The following ADAT1 variants were observed in gnomAD, a reference collection of about 807,000 sequenced individuals.
ADAT1 encodes tRNA-specific adenosine deaminase 1.
In ADAT1, 58 loss-of-function variants were observed where a neutral mutation model predicts 58.6. That is an observed-to-expected ratio of 0.99 (90% CI 0.80 to 1.23). The LOEUF (loss-of-function observed/expected upper bound fraction) is 1.23, where lower values mean the gene tolerates loss of function less well. ADAT1 is among the 50% of genes most tolerant of loss of function. The probability of loss-of-function intolerance (pLI) is 0.00; values close to 1 mark genes in which losing one functional copy is unlikely to be tolerated. For synonymous variants in ADAT1, 254 were observed against 220.8 expected, an observed-to-expected ratio of 1.15 and a Z score of -1.33; for missense variants, 741 against 608.6, an observed-to-expected ratio of 1.22 and a Z score of -2.29.
chr16:75,615,884 G>T (rs1269885973), intron 5 of ADAT1, among the ~76,000 whole-genome samples: 1 of 152,166 alleles, frequency 6.6e-6, no homozygotes, highest in African/African-American at 2.4e-5. Flanking sequence ...AACAACCTTT[G>T]GGCCTTGGAC....
chr16:75,615,423 T>C (rs984162701), intron 5 of ADAT1, among the ~76,000 whole-genome samples: 2 of 99,396 alleles, frequency 2.0e-5, no homozygotes, highest in Non-Finnish European at 3.9e-5. Flanking sequence ...ATTGGAAGAA[T>C]AAAAATTGTC....
chr16:75,618,609 G>T lies in ADAT1; in HGVS notation c.270C>A (p.Val90=). Residue 90 remains valine, a synonymous_variant, in exon 4 of 10, where the codon GTC becomes GTA. Coordinates refer to ENST00000564657, the MANE Select transcript of ADAT1 (RefSeq NM_001324445.2). Reference sequence around the variant, plus strand: ...ACCTTTGGAAACTCCTTCTGGCTATGACCTCAGCATGGCTATCATTGAGGA... The same window carrying T: ...ACCTTTGGAAACTCCTTCTGGCTATTACCTCAGCATGGCTATCATTGAGGA... The part of the protein sequence containing the change: ...GDILNDSHAE[V]IARRSFQRYL... 6.2e-7 allele frequency: 1 copy of T among 1,610,736 alleles called. No homozygotes were observed. Among genetic ancestry groups the T allele is most frequent in the East Asian group, 2.2e-5 (1 of 44,776 alleles).
At position 75,608,585 on chromosome 16, in the gene ADAT1, A is replaced by G. The variant is rs537719949; in HGVS notation, c.1189+258T>C. ...GTAAATGCATTAAACAGAATTTCTC[A>G]CTGAATCTTCCCAATAACCCTGATA... On this transcript the variant is annotated intron_variant, in intron 7 of 9. Coordinates refer to ENST00000564657, the MANE Select transcript of ADAT1 (RefSeq NM_001324445.2). 16 of 584,318 alleles carry G rather than the reference A, an allele frequency of 2.7e-5. 1 individual carries two copies. The East Asian group carries it at 4.3e-4, about 16-fold the overall frequency. 36.2% of individuals were successfully genotyped at this position (584,318 alleles called of 1,614,324 possible).
intron 5 of ADAT1, among the ~76,000 whole-genome samples, chr16:75,615,719 C>A (rs2081689849): frequency 6.6e-6 from 1 of 152,086 alleles, no homozygotes; most frequent in African/African-American, 2.4e-5. Flanking sequence ...CCTAGCTACT[C>A]AATGTGTGGT....
At chr16:75,622,114 C>A (rs1461993597) in intron 1 of ADAT1, among the ~76,000 whole-genome samples, 1 of 152,186 alleles carries the variant, frequency 6.6e-6, no homozygotes, top group Non-Finnish European at 1.5e-5. Flanking sequence ...TGTGCCACTG[C>A]ACTCCAGGCT....
chr16:75,608,194 A>G, intron 8 of ADAT1, 30 bp downstream of exon 8: 1 of 1,584,110 alleles, frequency 6.3e-7, no homozygotes, highest in Non-Finnish European at 8.7e-7. Flanking sequence ...GTTCACAGCC[A>G]CCATCTCCTC....
chr16:75,615,869 T>G (rs879273586), intron 5 of ADAT1, among the ~76,000 whole-genome samples: 1 of 152,204 alleles, frequency 6.6e-6, no homozygotes, highest in African/African-American at 2.4e-5. Flanking sequence ...AGGAGCTGAT[T>G]AGGAAACAAC....
At chr16:75,602,682 A>G (rs2081262866) in intron 9 of ADAT1, among the ~76,000 whole-genome samples, 1 of 152,206 alleles carries the variant, frequency 6.6e-6, no homozygotes, top group African/African-American at 2.4e-5. Flanking sequence ...GTGGTTTTAA[A>G]GTTCTTTGAA....
chr16:75,616,442 A>C (rs926154374), intron 5 of ADAT1, among the ~76,000 whole-genome samples: 3 of 152,188 alleles, frequency 2.0e-5, no homozygotes, highest in African/African-American at 7.2e-5. Flanking sequence ...AAAAGTTTTA[A>C]GGTTTAATCT....
chr16:75,617,059 T>G, intron 5 of ADAT1, 83 bp downstream of exon 5: 1 of 1,507,956 alleles, frequency 6.6e-7, no homozygotes, highest in Non-Finnish European at 8.9e-7. Flanking sequence ...TTAGTGCTTT[T>G]TAGGAAAAAA....
chr16:75,620,366 G>C, intron 2 of ADAT1, 32 bp from the exon 3 acceptor site: 1 of 1,610,438 alleles, frequency 6.2e-7, no homozygotes, highest in Non-Finnish European at 8.5e-7. Flanking sequence ...TGTGAGTTCT[G>C]AGAAACGGAA....
intron 5 of ADAT1, among the ~76,000 whole-genome samples, chr16:75,614,331 T>C (rs998693925): frequency 1.5e-4 from 23 of 152,208 alleles, no homozygotes; most frequent in African/African-American, 5.1e-4. Context: ...TTTCCAGTGT[T>C]TCCTCTTGCT....
intron 6 of ADAT1, among the ~76,000 whole-genome samples, chr16:75,610,701 G>T (rs1434124163): frequency 6.6e-6 from 1 of 152,166 alleles, no homozygotes; most frequent in African/African-American, 2.4e-5. Context: ...TATGAGGCTT[G>T]CCCTGGCCAT....
chr16:75,608,404 T>G, intron 7 of ADAT1, 81 bp from the exon 8 acceptor site: 1 of 1,240,600 alleles, frequency 8.1e-7, no homozygotes, highest in Admixed American at 1.8e-5. Flanking sequence ...AATATTTCTC[T>G]GACTCTACAG....
Position 75,599,503 on chromosome 16 carries a change from T to C in ADAT1, c.*713A>G, listed in dbSNP as rs981168468. The stretch of plus-strand genomic sequence containing the variant: ...AATTGAGACATCTAAACAGTGTTAC[T>C]AGATCTTTGATTCTCTTGGCTGTTT... On this transcript the variant is annotated 3_prime_UTR_variant, in exon 10 of 10. Coordinates refer to ENST00000564657, the MANE Select transcript of ADAT1 (RefSeq NM_001324445.2). 2 of 985,908 alleles carry C rather than the reference T, an allele frequency of 2.0e-6. No individual in the cohort carries two copies. The highest frequency in any genetic ancestry group is 2.4e-6 in the Non-Finnish European group (2 of 829,948). 61.1% of individuals were successfully genotyped at this position (985,908 alleles called of 1,614,324 possible). A position where few individuals can be genotyped will look rare whatever the true frequency, so the allele number is the denominator to read the frequency against.
At chr16:75,609,481 A>G (rs61701920) in intron 6 of ADAT1, among the ~76,000 whole-genome samples, 1 of 152,328 alleles carries the variant, frequency 6.6e-6, no homozygotes, top group East Asian at 1.9e-4. Flanking sequence ...TCCCAGGCAC[A>G]GTGCCTAGGG....
chr16:75,597,240 T>C lies in ADAT1; in HGVS notation c.*2976A>G. The stretch of plus-strand genomic sequence containing the variant: ...GGATTAGGGCAGGCCCTAAATCCAA[T>C]TACTGGGGTCCTTATAAGTAGGCCA... On this transcript the variant is annotated 3_prime_UTR_variant, in exon 10 of 10. Coordinates refer to ENST00000564657, the MANE Select transcript of ADAT1 (RefSeq NM_001324445.2). 1 of 328,400 alleles carries C rather than the reference T, an allele frequency of 3.0e-6. No homozygotes were observed. Among genetic ancestry groups the C allele is most frequent in the Non-Finnish European group, 6.1e-6 (1 of 164,794 alleles). The allele number at this position is 328,400 out of a possible 1,614,324, so 20.3% of individuals were successfully genotyped here.
In ADAT1 at chr16:75,597,898, C is replaced by T. The variant is rs1166396717; in HGVS notation, c.*2318G>A. On this transcript the variant is annotated 3_prime_UTR_variant, in exon 10 of 10. Coordinates refer to ENST00000564657, the MANE Select transcript of ADAT1 (RefSeq NM_001324445.2). ...GCAGCCATAAATACAGATGAAACTT[C>T]AAGTGCTCACCTGTTACTTATCTCC... Among the ~76,000 whole-genome samples, 1 of 152,214 alleles carries T rather than the reference C, an allele frequency of 6.6e-6. No individual in the cohort carries two copies. The highest frequency in any genetic ancestry group is 1.5e-5 in the Non-Finnish European group (1 of 68,042).
At chr16:75,608,792 C>G in intron 7 of ADAT1, 51 bp downstream of exon 7, 1 of 1,579,804 alleles carries the variant, frequency 6.3e-7, no homozygotes, top group Non-Finnish European at 8.6e-7. Context: ...TGGGGCCACT[C>G]TCAGTCAGGG....
Sources: gnomAD v4.1 joint callset for allele counts (sites outside exome capture counted in the v4.1 genomes callset) on GRCh38, gnomAD v4.1.1 for gene constraint, MANE v1.5 for transcripts, NCBI Gene and HGNC (gene_info 2026-07-23, HGNC 2026-07-21) for gene names.